The following UBE4B variants were observed in gnomAD, a reference collection of about 807,000 sequenced individuals.
UBE4B encodes ubiquitination factor E4B, also known as ubiquitin conjugation factor E4 B.
In UBE4B, 27 loss-of-function variants were observed where a neutral mutation model predicts 148.1. The ratio of observed to expected loss-of-function variants is 0.18; its 90% CI spans 0.13 to 0.25. The LOEUF is 0.25. Among genes scored for constraint, UBE4B ranks in the 10% least tolerant of loss-of-function variants. The pLI is 1.00. For missense variants in UBE4B, 1,170 were observed against 1,662.4 expected (o/e 0.70, Z 5.15); for synonymous variants, 596 against 619.3 (o/e 0.96, Z 0.56).
intron 21 of UBE4B, among the ~76,000 whole-genome samples, chr1:10,155,151 C>G (rs1646048384): frequency 6.6e-6 from 1 of 151,546 alleles, no homozygotes; most frequent in East Asian, 1.9e-4. Context: ...GGCCTGTTGC[C>G]TATAAGACGA....
chr1:10,034,455 T>C (rs1348400151), intron 1 of UBE4B, among the ~76,000 whole-genome samples: 1 of 151,242 alleles, frequency 6.6e-6, no homozygotes, highest in African/African-American at 2.5e-5. Context: ...GTTTTAAAGA[T>C]TGTTTAATAA....
chr1:10,133,526 A>G (rs891807217), intron 15 of UBE4B, among the ~76,000 whole-genome samples: 2 of 152,222 alleles, frequency 1.3e-5, no homozygotes, highest in African/African-American at 4.8e-5. Flanking sequence ...TATATTGCTA[A>G]TGCAGGAGCA....
At chr1:10,063,940 C>T (rs2101817661) in intron 1 of UBE4B, among the ~76,000 whole-genome samples, 1 of 151,638 alleles carries the variant, frequency 6.6e-6, no homozygotes, top group South Asian at 2.1e-4. Context: ...GTACATCTTA[C>T]CTGGTTATTC....
chr1:10,169,964 G>A (rs1440438439), intron 24 of UBE4B, among the ~76,000 whole-genome samples: 2 of 152,152 alleles, frequency 1.3e-5, no homozygotes, highest in Admixed American at 6.6e-5. Flanking sequence ...GCAGTGAGCC[G>A]AGATCACGCC....
chr1:10,166,539 G>T (rs772446277), intron 23 of UBE4B, among the ~76,000 whole-genome samples: 8 of 152,136 alleles, frequency 5.3e-5, no homozygotes, highest in Non-Finnish European at 1.2e-4. Context: ...TGTAATCCCA[G>T]CACTTTGGGA....
At chr1:10,131,527 A>G (rs1337894035) in intron 14 of UBE4B, among the ~76,000 whole-genome samples, 6 of 151,872 alleles carry the variant, frequency 4.0e-5, no homozygotes, top group Non-Finnish European at 8.8e-5. Context: ...TTGGGTAACT[A>G]AGGTAATTTT....
intron 18 of UBE4B, 177 bp downstream of exon 18, chr1:10,145,216 A>G (rs897797511): frequency 4.2e-6 from 2 of 476,772 alleles, no homozygotes; most frequent in Non-Finnish European, 7.5e-6. Flanking sequence ...TGTGTATATA[A>G]TGATTTCAGT....
intron 10 of UBE4B, among the ~76,000 whole-genome samples, chr1:10,126,025 G>A (rs1180982413): frequency 6.6e-6 from 1 of 152,222 alleles, no homozygotes; most frequent in Non-Finnish European, 1.5e-5. Flanking sequence ...AGAGGGCCAA[G>A]CGCGGTAGCT....
intron 10 of UBE4B, among the ~76,000 whole-genome samples, chr1:10,123,090 A>G (rs1287884816): frequency 3.3e-5 from 5 of 152,194 alleles, no homozygotes; most frequent in Non-Finnish European, 7.3e-5. Context: ...TAATGGCAAC[A>G]TAGTGAGCTT....
intron 1 of UBE4B, among the ~76,000 whole-genome samples, chr1:10,037,210 A>C (rs1247801885): frequency 6.6e-6 from 1 of 152,136 alleles, no homozygotes; most frequent in African/African-American, 2.4e-5. Context: ...TATTTTTAGT[A>C]GCGACGGGGT....
intron 2 of UBE4B, among the ~76,000 whole-genome samples, chr1:10,082,812 C>A (rs1299309644): frequency 2.0e-5 from 3 of 151,462 alleles, no homozygotes; most frequent in Admixed American, 6.6e-5. Context: ...CCCCTTGACC[C>A]CACCCTCCCC....
At position 10,161,084 on chromosome 1, in the gene UBE4B, CT is replaced by C; in HGVS notation, c.3054-57del. On this transcript the variant is annotated intron_variant, in intron 22 of 27. Coordinates refer to ENST00000343090, the MANE Select transcript of UBE4B (RefSeq NM_001105562.3). The surrounding 1 kb of genome is among the most constrained non-coding windows in gnomAD (Gnocchi z 4.1). Reference sequence around the variant, plus strand: ...GGAGGTGCTTGTTCCCTGGGATTTGCTGTGGCATTTTGCTTCAGGGAGATGT... The same window carrying C: ...GGAGGTGCTTGTTCCCTGGGATTTGCGTGGCATTTTGCTTCAGGGAGATGT... 6.3e-7 allele frequency: 1 copy of C among 1,581,746 alleles called. No individual in the cohort carries two copies. The highest frequency in any genetic ancestry group is 8.6e-7 in the Non-Finnish European group (1 of 1,158,526).
intron 5 of UBE4B, among the ~76,000 whole-genome samples, chr1:10,103,632 G>GTTTTTTTTTTTT (rs1186811301): frequency 9.4e-6 from 1 of 106,510 alleles, no homozygotes; most frequent in African/African-American, 3.4e-5. Context: ...TTTTGTTTTT[G>GTTTTTTTTTTTT]TTTTTTTTTT....
intron 1 of UBE4B, among the ~76,000 whole-genome samples, chr1:10,041,682 C>T (rs1048309549): frequency 6.6e-6 from 1 of 151,706 alleles, no homozygotes; most frequent in African/African-American, 2.4e-5. Flanking sequence ...AAGTGGAAGC[C>T]CCAGTGGACT....
chr1:10,157,028 A>G (rs79286153), intron 21 of UBE4B, among the ~76,000 whole-genome samples: 1 of 151,812 alleles, frequency 6.6e-6, no homozygotes, highest in Non-Finnish European at 1.5e-5. Context: ...GAAAAAAAAA[A>G]TTTTTGAGAC....
intron 1 of UBE4B, 99 bp from the exon 2 acceptor site, chr1:10,071,929 G>A: frequency 2.5e-6 from 3 of 1,220,448 alleles, no homozygotes; most frequent in Non-Finnish European, 3.3e-6. Context: ...GGCATATTGA[G>A]TTGTTAAACT....
At chr1:10,166,979 A>C (rs1461030172) in intron 23 of UBE4B, among the ~76,000 whole-genome samples, 2 of 146,568 alleles carry the variant, frequency 1.4e-5, no homozygotes, top group Admixed American at 6.7e-5. Context: ...ACAAAAAAAA[A>C]AAATTAGCTG....
intron 25 of UBE4B, among the ~76,000 whole-genome samples, chr1:10,172,135 C>T (rs1277460295): frequency 6.6e-6 from 1 of 152,124 alleles, no homozygotes; most frequent in East Asian, 1.9e-4. Flanking sequence ...CTTCCCTCTC[C>T]TTTATTCCGT....
chr1:10,139,396 GA>G (rs543808855), intron 17 of UBE4B, among the ~76,000 whole-genome samples: 18 of 139,502 alleles, frequency 1.3e-4, no homozygotes, highest in Middle Eastern at 3.8e-3. Context: ...CTCAACAAAA[GA>G]AAAAAAAAAA....
Sources: allele counts gnomAD v4.1 joint callset (sites outside exome capture counted in the v4.1 genomes callset), GRCh38; gene constraint gnomAD v4.1.1; non-coding constraint Gnocchi (gnomAD v3.1); transcripts MANE v1.5; gene names NCBI Gene and HGNC (gene_info 2026-07-23, HGNC 2026-07-21).